Variants in DHRS4 observed in about 807,000 individuals in gnomAD.
DHRS4 encodes the protein dehydrogenase/reductase 4, also known as dehydrogenase/reductase SDR family member 4.
DHRS4 carries 20 observed loss-of-function variants against 28.4 expected under a neutral mutation model. The ratio of observed to expected loss-of-function variants is 0.71; its 90% CI spans 0.50 to 1.02. The LOEUF (loss-of-function observed/expected upper bound fraction) is 1.02. DHRS4 is among the 50% of genes least tolerant of loss of function. The probability of loss-of-function intolerance (pLI) is 0.00; values close to 1 mark genes in which losing one functional copy is unlikely to be tolerated. For synonymous variants in DHRS4, 144 were observed against 146.4 expected (o/e 0.98, Z 0.12); for missense variants, 378 against 367.2 (o/e 1.03, Z -0.24).
At chr14:23,954,934 G>A in intron 1 of DHRS4, 101 bp from the exon 2 acceptor site, 1 of 1,558,508 alleles carries the variant, frequency 6.4e-7, no homozygotes, top group Admixed American at 2.0e-5. Flanking sequence ...TATAGAGAAA[G>A]AGCCAGAATT....
intron 5 of DHRS4, 34 bp downstream of exon 5, chr14:23,966,017 C>T (rs775398777): frequency 2.5e-6 from 4 of 1,609,018 alleles, no homozygotes; most frequent in African/African-American, 1.3e-5. Flanking sequence ...TTCCATCCCA[C>T]CCTCCACTCC....
At chr14:23,961,965 T>C (rs1246438065) in intron 3 of DHRS4, among the ~76,000 whole-genome samples, 1 of 132,750 alleles carries the variant, frequency 7.5e-6, no homozygotes, top group African/African-American at 3.0e-5. Flanking sequence ...AATATTATAA[T>C]AAAGTGAGTC....
intron 3 of DHRS4, among the ~76,000 whole-genome samples, chr14:23,962,829 G>C (rs1316642941): frequency 6.7e-6 from 1 of 149,982 alleles, no homozygotes; most frequent in Non-Finnish European, 1.5e-5. Context: ...ATCCATGGCA[G>C]CTATAGCCTT....
intron 3 of DHRS4, among the ~76,000 whole-genome samples, chr14:23,964,776 A>G (rs1320890666): frequency 6.9e-6 from 1 of 144,320 alleles, no homozygotes; most frequent in African/African-American, 2.5e-5. Context: ...GAGGTTTGCC[A>G]TGTTGCCCAG....
rs778150421 is a variant in DHRS4, at chr14:23,965,802, A to C, written c.449A>C (p.Lys150Thr). 5 of 1,606,384 alleles carry C rather than the reference A, an allele frequency of 3.1e-6. No homozygotes were observed. The highest frequency in any genetic ancestry group is 2.7e-5 in the African/African-American group (2 of 73,542). Residue 150 changes from lysine to threonine, a missense_variant, in exon 4 of 8, where the codon AAG becomes ACG. Coordinates refer to ENST00000313250, the MANE Select transcript of DHRS4 (RefSeq NM_021004.4). The stretch of plus-strand genomic sequence containing the variant: ...GTGAAGGCCCCAGCCCTGATGACAA[A>C]GGCAGTGGTGCCAGAAATGGAGAAA... Reference protein sequence around the residue: ...INVKAPALMTKAVVPEMEKRG... With the variant: ...INVKAPALMTTAVVPEMEKRG...
At chr14:23,961,213 A>T (rs1413134075) in intron 3 of DHRS4, among the ~76,000 whole-genome samples, 1 of 150,542 alleles carries the variant, frequency 6.6e-6, no homozygotes, top group Non-Finnish European at 1.5e-5. Context: ...GGTTGCCAAA[A>T]TACTATGATT....
At chr14:23,960,876 T>C (rs1040972167) in intron 3 of DHRS4, among the ~76,000 whole-genome samples, 1 of 152,076 alleles carries the variant, frequency 6.6e-6, no homozygotes, top group African/African-American at 2.4e-5. Context: ...GGTGCCAGTA[T>C]CTGCTTCTGA....
At position 23,966,289 on chromosome 14, in the gene DHRS4, A is replaced by G; in HGVS notation, c.538A>G (p.Ser180Gly). The change falls in exon 6 of 8, where the codon AGT becomes GGT. Residue 180 changes from serine to glycine, a missense_variant. Coordinates refer to ENST00000313250, the MANE Select transcript of DHRS4 (RefSeq NM_021004.4). ...CATTCTCTTCTTTCTCCAGGGCTTC[A>G]GTCCTTACAATGTCAGTAAAACAGC... The part of the protein sequence containing the change: ...IAAFSPSPGF[S>G]PYNVSKTALL... The G allele has an allele frequency of 5.0e-6, 8 of 1,613,262 alleles. No homozygotes were observed. Among genetic ancestry groups the G allele is most frequent in the Non-Finnish European group, 6.8e-6 (8 of 1,179,704 alleles).
intron 7 of DHRS4, 48 bp from the exon 8 acceptor site, chr14:23,968,709 C>T (rs1239781817): frequency 1.9e-6 from 3 of 1,600,676 alleles, no homozygotes; most frequent in African/African-American, 2.7e-5. Flanking sequence ...GTGAGGGAGG[C>T]AGAACTGTTT....
chr14:23,967,111 G>A lies in DHRS4; in HGVS notation c.667-100G>A, dbSNP rs1392522413. Reference sequence around the variant, plus strand: ...GGAGTTTGCAGTGAGCCAAGATAGCGCCACTACAGTCCGGCCTGGGCAAAA... The same window carrying A: ...GGAGTTTGCAGTGAGCCAAGATAGCACCACTACAGTCCGGCCTGGGCAAAA... On this transcript the variant is annotated intron_variant, in intron 6 of 7. Transcript: ENST00000313250. The A allele has an allele frequency of 6.3e-5, 92 of 1,468,568 alleles. 2 individuals carry two copies. The highest frequency in any genetic ancestry group is 3.0e-4 in the South Asian group (22 of 72,190). 91.0% of individuals were successfully genotyped at this position (1,468,568 alleles called of 1,614,324 possible). A position where few individuals can be genotyped will look rare whatever the true frequency, so the allele number is the denominator to read the frequency against.
chr14:23,958,419 A>G (rs1304025768), intron 2 of DHRS4, among the ~76,000 whole-genome samples: 1 of 152,176 alleles, frequency 6.6e-6, no homozygotes, highest in Non-Finnish European at 1.5e-5. Flanking sequence ...TTCCGGGCAA[A>G]CGGAAAGTCT....
intron 1 of DHRS4, 22 bp from the exon 2 acceptor site, chr14:23,955,013 C>G: frequency 6.2e-7 from 1 of 1,614,042 alleles, no homozygotes; most frequent in Admixed American, 1.7e-5. Flanking sequence ...CCTTAGCAGT[C>G]TTTGTCTCTT....
rs780891762 is a variant in DHRS4 at position 23,965,883 on chromosome 14, A to C, written c.480-49A>C. ...GTGAGAGGGGACACCACACGGGCTG[A>C]GGGCACTGGTCCACAATGGGAAGAT... On this transcript the variant is annotated intron_variant, in intron 4 of 7. Coordinates refer to ENST00000313250, the MANE Select transcript of DHRS4 (RefSeq NM_021004.4). 3.7e-5 allele frequency: 60 copies of C among 1,606,576 alleles called. 5 individuals are homozygous for C. Among genetic ancestry groups the C allele is most frequent in the Non-Finnish European group, 5.1e-5 (60 of 1,176,232 alleles).
intron 1 of DHRS4, among the ~76,000 whole-genome samples, chr14:23,954,352 T>G (rs972359692): frequency 2.0e-5 from 3 of 152,242 alleles, no homozygotes; most frequent in Admixed American, 1.3e-4. Context: ...CCCCCTTACC[T>G]AGATGGGACA....
At chr14:23,954,455 G>C (rs750912289) in intron 1 of DHRS4, among the ~76,000 whole-genome samples, 1 of 152,054 alleles carries the variant, frequency 6.6e-6, no homozygotes, top group Non-Finnish European at 1.5e-5. Flanking sequence ...GTCTATCCTG[G>C]TCCTCATTTC....
intron 5 of DHRS4, 32 bp from the exon 6 acceptor site, chr14:23,966,251 T>C (rs1441008582): frequency 3.8e-6 from 6 of 1,592,362 alleles, no homozygotes; most frequent in Non-Finnish European, 3.4e-6. Flanking sequence ...ACCTGGAAAC[T>C]ATGAGTCTAA....
intron 3 of DHRS4, among the ~76,000 whole-genome samples, chr14:23,960,692 T>C (rs2033384009): frequency 6.6e-6 from 1 of 152,102 alleles, no homozygotes; most frequent in Non-Finnish European, 1.5e-5. Flanking sequence ...TTAAGGTTAA[T>C]ATTCCCACAT....
intron 1 of DHRS4, chr14:23,954,218 T>G (rs888807359): frequency 2.3e-5 from 7 of 310,132 alleles, no homozygotes; most frequent in South Asian, 7.1e-5. Flanking sequence ...ACCTAGCGTC[T>G]GGGAAGACCA....
chr14:23,953,931 C>G lies in DHRS4; in HGVS notation c.128+15C>G, dbSNP rs368187763. On this transcript the variant is annotated intron_variant, in intron 1 of 7. Coordinates refer to ENST00000313250, the MANE Select transcript of DHRS4 (RefSeq NM_021004.4). ...TCCACCGACGGGTGAGTGCTCCGGC[C>G]GGAGTTTCTGAGGCCCTGGCTGCCT... The G allele has an allele frequency of 1.1e-5, 18 of 1,569,628 alleles. No individual in the cohort carries two copies. In the South Asian group the frequency reaches 1.6e-4, roughly 14 times the overall value.
Sources: gnomAD v4.1 joint callset for allele counts (sites outside exome capture counted in the v4.1 genomes callset) on GRCh38, gnomAD v4.1.1 for gene constraint, MANE v1.5 for transcripts, NCBI Gene and HGNC (gene_info 2026-07-23, HGNC 2026-07-21) for gene names.